ZNF430: variants seen among roughly 807,000 people sequenced by gnomAD.
The protein encoded by ZNF430 is zinc finger protein 430.
In ZNF430, 35 loss-of-function variants were observed where a neutral mutation model predicts 56.7. That is an observed-to-expected ratio of 0.62 (90% CI 0.47 to 0.82). The LOEUF (loss-of-function observed/expected upper bound fraction) is 0.82, where lower values mean the gene tolerates loss of function less well. Ranked by LOEUF, ZNF430 falls within the 40% of genes least tolerant of loss-of-function variation. The pLI, the probability that ZNF430 is intolerant of heterozygous loss-of-function variation, is 0.00. For synonymous variants in ZNF430, 212 were observed against 224.3 expected, an observed-to-expected ratio of 0.94 and a Z score of 0.49; for missense variants, 574 against 661.0, an observed-to-expected ratio of 0.87 and a Z score of 1.44.
intron 4 of ZNF430, among the ~76,000 whole-genome samples, chr19:21,050,007 C>T (rs1971815): frequency 0.69 from 101,968 of 148,106 alleles, 39,164 homozygotes; most frequent in East Asian, 0.87. Context: ...CTCAGCCTCC[C>T]GAGTAGCTGG....
Position 21,057,649 on chromosome 19 carries a change from T to A in ZNF430, c.1341T>A (p.His447Gln). Residue 447 changes from histidine to glutamine, a missense_variant, in exon 5 of 5, where the codon CAT becomes CAA. By Grantham distance (24) the His-to-Gln change is conservative. Coordinates refer to ENST00000261560, the MANE Select transcript of ZNF430 (RefSeq NM_025189.4). ...AFNESSNLTA[H>Q]KIIHTGEKPY... ...ATGAGTCCTCAAACCTTACTGCACA[T>A]AAGATAATTCATACTGGAGAGAAAC... 1.9e-6 allele frequency: 3 copies of A among 1,612,036 alleles called. No individual in the cohort carries two copies. The highest frequency in any genetic ancestry group is 2.5e-6 in the Non-Finnish European group (3 of 1,179,476).
intron 4 of ZNF430, among the ~76,000 whole-genome samples, chr19:21,045,672 A>T (rs2144778150): frequency 6.6e-6 from 1 of 152,282 alleles, no homozygotes; most frequent in Middle Eastern, 3.4e-3. Context: ...GTAGGGTGTT[A>T]AAGTCTCCCA....
intron 4 of ZNF430, among the ~76,000 whole-genome samples, chr19:21,042,657 G>A (rs1025366727): frequency 1.2e-4 from 19 of 152,086 alleles, no homozygotes; most frequent in South Asian, 4.1e-4. Context: ...GCGTGGTGGC[G>A]GACGCCTGTG....
At chr19:21,035,863 CA>C (rs1327234716) in intron 4 of ZNF430, 1 of 153,350 alleles carries the variant, frequency 6.5e-6, no homozygotes, top group Non-Finnish European at 1.5e-5. Context: ...ATCTGTAGAG[CA>C]GACAATAGGG....
intron 4 of ZNF430, among the ~76,000 whole-genome samples, chr19:21,043,303 TA>T (rs1321411489): frequency 6.6e-6 from 1 of 152,196 alleles, no homozygotes; most frequent in African/African-American, 2.4e-5. Context: ...TGTACAGGTG[TA>T]AGGAAGGGTT....
rs112370975 is a variant in ZNF430, at chr19:21,043,710, G to A, written c.322+9526G>A. ...TTGAATTACTTTTGGCAGTATGGCCGTTTTTACAATATTGATTATTTCTAT... is the reference window on the plus strand; with the variant it reads ...TTGAATTACTTTTGGCAGTATGGCCATTTTTACAATATTGATTATTTCTAT... On this transcript the variant is annotated intron_variant, in intron 4 of 4. Coordinates refer to ENST00000261560, the MANE Select transcript of ZNF430 (RefSeq NM_025189.4). Among the ~76,000 whole-genome samples the A allele has an allele frequency of 2.0e-4, 31 of 152,032 alleles. 1 individual carries two copies. Among genetic ancestry groups the A allele is most frequent in the Admixed American group, 1.5e-3 (23 of 15,242 alleles).
chr19:21,040,148 A>T (rs996852039), intron 4 of ZNF430, among the ~76,000 whole-genome samples: 5 of 152,194 alleles, frequency 3.3e-5, no homozygotes, highest in African/African-American at 1.2e-4. Flanking sequence ...GGTATTCTTT[A>T]ATAAGACTTG....
chr19:21,055,702 C>T (rs2144792170), intron 4 of ZNF430, among the ~76,000 whole-genome samples: 1 of 152,272 alleles, frequency 6.6e-6, no homozygotes, highest in East Asian at 1.9e-4. Flanking sequence ...GATCCGCCAG[C>T]CTTGGCCTCC....
Position 21,020,681 on chromosome 19 carries a change from A to G in ZNF430, c.-120A>G. The G allele has an allele frequency of 1.4e-6, 2 of 1,439,748 alleles. No homozygotes were observed. Among genetic ancestry groups the G allele is most frequent in the South Asian group, 2.3e-5 (2 of 86,286 alleles). The allele number at this position is 1,439,748 out of a possible 1,614,324, so 89.2% of individuals were successfully genotyped here. ...TGTCCCTCGCTGTGGCCTGAGCTCC[A>G]GGTCTCGTCTTCAGCGCTCTGTGTC... On this transcript the variant is annotated 5_prime_UTR_variant, in exon 1 of 5. Transcript: ENST00000261560.
intron 4 of ZNF430, among the ~76,000 whole-genome samples, chr19:21,044,277 C>T (rs978156096): frequency 6.6e-6 from 1 of 152,030 alleles, no homozygotes; most frequent in African/African-American, 2.4e-5. Context: ...GTTTATTGAG[C>T]ATTTTTAACA....
intron 4 of ZNF430, among the ~76,000 whole-genome samples, chr19:21,045,234 C>A (rs1444362019): frequency 6.6e-6 from 1 of 152,184 alleles, no homozygotes; most frequent in Non-Finnish European, 1.5e-5. Flanking sequence ...TTCCCCTTAA[C>A]ACTGCTTTAG....
At chr19:21,023,779 T>C (rs1436028969) in intron 2 of ZNF430, among the ~76,000 whole-genome samples, 1 of 152,232 alleles carries the variant, frequency 6.6e-6, no homozygotes, top group Non-Finnish European at 1.5e-5. Flanking sequence ...AATCCTGTTA[T>C]CTTGATTTCT....
At chr19:21,047,147 G>T (rs545093884) in intron 4 of ZNF430, among the ~76,000 whole-genome samples, 1 of 152,126 alleles carries the variant, frequency 6.6e-6, no homozygotes, top group Non-Finnish European at 1.5e-5. Flanking sequence ...TTGTGGTTGC[G>T]TTGTGAAGTT....
intron 4 of ZNF430, among the ~76,000 whole-genome samples, chr19:21,041,721 T>TTTGTTTTTG (rs146553763): frequency 6.6e-6 from 1 of 151,464 alleles, no homozygotes; most frequent in Non-Finnish European, 1.5e-5. Flanking sequence ...TGTTTTTGTT[T>TTTGTTTTTG]TTGTTGTTGT....
At chr19:21,023,270 A>G (rs1345146998) in intron 2 of ZNF430, among the ~76,000 whole-genome samples, 1 of 152,144 alleles carries the variant, frequency 6.6e-6, no homozygotes. Context: ...AAGTGATTGA[A>G]TGGCCTGACT....
chr19:21,054,761 G>A (rs951976169), intron 4 of ZNF430, among the ~76,000 whole-genome samples: 2 of 129,200 alleles, frequency 1.5e-5, no homozygotes, highest in South Asian at 2.7e-4. Flanking sequence ...TATAAGCTCC[G>A]CCTCCCCGGT....
intron 4 of ZNF430, among the ~76,000 whole-genome samples, chr19:21,045,961 A>T (rs1968180517): frequency 6.6e-6 from 1 of 152,134 alleles, no homozygotes; most frequent in African/African-American, 2.4e-5. Flanking sequence ...ATGGCACACC[A>T]ATGGGTCTTG....
intron 4 of ZNF430, 144 bp downstream of exon 4, chr19:21,034,328 C>A: frequency 5.1e-6 from 3 of 588,774 alleles, no homozygotes; most frequent in East Asian, 2.9e-5. Context: ...ATTTTGCCCT[C>A]GCATAGGGTC....
rs1968295211 is a variant in ZNF430 at position 21,052,145 on chromosome 19, C to G, written c.323-4486C>G. The stretch of plus-strand genomic sequence containing the variant: ...TTTCAGTTTTTGTCTGTTTTATACT[C>G]ATTTCATTTTGGTCATAGAATGTAA... On this transcript the variant is annotated intron_variant, in intron 4 of 4. Transcript: ENST00000261560. Among the ~76,000 whole-genome samples the G allele has an allele frequency of 2.6e-5, 4 of 152,152 alleles. No individual in the cohort carries two copies. The South Asian group carries it at 8.3e-4, about 32-fold the overall frequency.
Sources: gnomAD v4.1 joint callset for allele counts (sites outside exome capture counted in the v4.1 genomes callset) on GRCh38, gnomAD v4.1.1 for gene constraint, MANE v1.5 for transcripts, NCBI Gene and HGNC (gene_info 2026-07-23, HGNC 2026-07-21) for gene names.